Variants in WDFY1 observed in about 807,000 individuals in gnomAD.
WDFY1 encodes WD repeat and FYVE domain-containing protein 1.
WDFY1 carries 32 observed loss-of-function variants against 56.4 expected under a neutral mutation model. The ratio of observed to expected loss-of-function variants is 0.57; its 90% CI spans 0.43 to 0.76. WDFY1 has a LOEUF of 0.76. WDFY1 is among the 30% of genes least tolerant of loss of function. WDFY1 has a pLI of 0.00. For missense variants in WDFY1, 480 were observed against 545.7 expected (o/e 0.88, Z 1.20); for synonymous variants, 192 against 197.3 (o/e 0.97, Z 0.23).
chr2:223,880,252 C>A lies in WDFY1; in HGVS notation c.1065-20G>T. On this transcript the variant is annotated intron_variant, in intron 10 of 11. Coordinates refer to ENST00000233055, the MANE Select transcript of WDFY1 (RefSeq NM_020830.5). ...GTCCGACTAACAAGAGAAAAGAGAT[C>A]ACTGAAAATTTACTTGACTGTACCT... The A allele has an allele frequency of 6.2e-7, 1 of 1,610,834 alleles. No individual in the cohort carries two copies. The highest frequency in any genetic ancestry group is 8.5e-7 in the Non-Finnish European group (1 of 1,177,422).
At chr2:223,939,637 C>T (rs1689264464) in intron 1 of WDFY1, among the ~76,000 whole-genome samples, 1 of 152,152 alleles carries the variant, frequency 6.6e-6, no homozygotes, top group Admixed American at 6.5e-5. Flanking sequence ...GGGGTTTTCC[C>T]TTGTAAAACC....
intron 1 of WDFY1, among the ~76,000 whole-genome samples, chr2:223,935,065 A>G (rs975627656): frequency 2.0e-5 from 3 of 152,172 alleles, no homozygotes; most frequent in Non-Finnish European, 4.4e-5. Flanking sequence ...CGAAGCCTCT[A>G]TGGGACACTG....
intron 1 of WDFY1, among the ~76,000 whole-genome samples, chr2:223,918,456 G>A (rs1328377742): frequency 2.6e-5 from 4 of 151,886 alleles, no homozygotes; most frequent in East Asian, 1.9e-4. Context: ...ATGAAACCCC[G>A]TGTCTACTAA....
chr2:223,919,855 T>A (rs1349143447), intron 1 of WDFY1, among the ~76,000 whole-genome samples: 1 of 152,138 alleles, frequency 6.6e-6, no homozygotes, highest in Admixed American at 6.5e-5. Flanking sequence ...GGAGGCAGCG[T>A]CCTCCCTGAC....
At chr2:223,929,267 A>G (rs1342037337) in intron 1 of WDFY1, among the ~76,000 whole-genome samples, 1 of 145,880 alleles carries the variant, frequency 6.9e-6, no homozygotes, top group African/African-American at 2.6e-5. Context: ...TTCTCACTGC[A>G]ACCTCCGCCT....
rs187414456 is a variant in WDFY1 at position 223,937,243 on chromosome 2, A to T, written c.137+7905T>A. On this transcript the variant is annotated intron_variant, in intron 1 of 11. Coordinates refer to ENST00000233055, the MANE Select transcript of WDFY1 (RefSeq NM_020830.5). The stretch of plus-strand genomic sequence containing the variant: ...GTATTGTCCTATTCAAACAGGAAAA[A>T]TTTTTTTATTTTCACTTATTCACGT... Among the ~76,000 whole-genome samples the T allele has an allele frequency of 4.2e-3, 641 of 152,316 alleles. 2 individuals carry two copies. Among genetic ancestry groups the T allele is most frequent in the African/African-American group, 7.0e-3 (291 of 41,552 alleles).
chr2:223,939,982 C>G (rs1006983874), intron 1 of WDFY1, among the ~76,000 whole-genome samples: 1 of 152,212 alleles, frequency 6.6e-6, no homozygotes, highest in Admixed American at 6.5e-5. Flanking sequence ...TCAGCTAGTT[C>G]TCACTGCTTT....
intron 1 of WDFY1, among the ~76,000 whole-genome samples, chr2:223,929,642 TA>T (rs1240665910): frequency 6.6e-6 from 1 of 151,914 alleles, no homozygotes; most frequent in Non-Finnish European, 1.5e-5. Context: ...CCACCTTCTC[TA>T]AAAAAAATTT....
chr2:223,927,595 T>C (rs143400038), intron 1 of WDFY1, among the ~76,000 whole-genome samples: 299 of 152,368 alleles, frequency 2.0e-3, no homozygotes, highest in African/African-American at 6.6e-3. Context: ...TCTGATCTTC[T>C]ATTCAGATCA....
At chr2:223,879,248 T>C (rs982871998) in intron 11 of WDFY1, among the ~76,000 whole-genome samples, 2 of 152,172 alleles carry the variant, frequency 1.3e-5, no homozygotes, top group Admixed American at 6.5e-5. Context: ...ATAAAGCATA[T>C]AGGTAGTGTC....
At chr2:223,921,800 T>TAAAA in intron 1 of WDFY1, among the ~76,000 whole-genome samples, 1 of 152,286 alleles carries the variant, frequency 6.6e-6, no homozygotes, top group South Asian at 2.1e-4. Flanking sequence ...CTGTTTGTTT[T>TAAAA]TTAAGAATTA....
At chr2:223,934,183 A>G (rs1394150595) in intron 1 of WDFY1, among the ~76,000 whole-genome samples, 1 of 150,584 alleles carries the variant, frequency 6.6e-6, no homozygotes, top group African/African-American at 2.5e-5. Context: ...CCGCTTCCCA[A>G]GTTCAAGCAA....
chr2:223,894,051 G>A (rs955198967), intron 8 of WDFY1, among the ~76,000 whole-genome samples, 183 bp downstream of exon 8: 1 of 152,222 alleles, frequency 6.6e-6, no homozygotes, highest in East Asian at 1.9e-4. Context: ...ACTCTCAAAT[G>A]AGCAGAGGAA....
chr2:223,920,113 T>C (rs918859479), intron 1 of WDFY1, among the ~76,000 whole-genome samples: 1 of 152,180 alleles, frequency 6.6e-6, no homozygotes, highest in African/African-American at 2.4e-5. Context: ...TAAGCACAAA[T>C]TCAACACAAA....
chr2:223,929,182 GTTTTTTGTTT>G (rs1694035431), intron 1 of WDFY1, among the ~76,000 whole-genome samples: 1 of 100,636 alleles, frequency 9.9e-6, no homozygotes, highest in Non-Finnish European at 2.1e-5. Flanking sequence ...TTTTCTTTCT[GTTTTTTGTTT>G]TTTTTTTTTT....
intron 3 of WDFY1, among the ~76,000 whole-genome samples, chr2:223,906,902 C>T (rs540819627): frequency 2.1e-4 from 32 of 151,934 alleles, no homozygotes; most frequent in Non-Finnish European, 3.1e-4. Flanking sequence ...AAATCAACCT[C>T]AACTAAAGCT....
At position 223,881,661 on chromosome 2, in the gene WDFY1, G is replaced by A. The variant is rs147974676; in HGVS notation, c.1064+281C>T. On this transcript the variant is annotated intron_variant, in intron 10 of 11. Coordinates refer to ENST00000233055, the MANE Select transcript of WDFY1 (RefSeq NM_020830.5). Reference sequence around the variant, plus strand: ...AAAAATTAGCCAGGTGGTGGGGGGCGCCTGTAATCCCAGCTACTCGGGTGG... The same window carrying A: ...AAAAATTAGCCAGGTGGTGGGGGGCACCTGTAATCCCAGCTACTCGGGTGG... Among the ~76,000 whole-genome samples the A allele has an allele frequency of 9.0e-4, 137 of 152,178 alleles. 3 individuals are homozygous for A. The East Asian group carries it at 0.017, about 19-fold the overall frequency.
At chr2:223,879,964 T>A (rs746270364) in intron 11 of WDFY1, among the ~76,000 whole-genome samples, 160 bp downstream of exon 11, 1 of 152,152 alleles carries the variant, frequency 6.6e-6, no homozygotes, top group South Asian at 2.1e-4. Context: ...AATGAATGCA[T>A]GGAAACTCAG....
intron 8 of WDFY1, among the ~76,000 whole-genome samples, chr2:223,891,429 T>C (rs1478493607): frequency 3.7e-5 from 5 of 135,076 alleles, no homozygotes; most frequent in South Asian, 2.5e-4. Flanking sequence ...CAGAACCTTA[T>C]AGATTATAGC....
Sources: allele counts gnomAD v4.1 joint callset (sites outside exome capture counted in the v4.1 genomes callset), GRCh38; gene constraint gnomAD v4.1.1; transcripts MANE v1.5; gene names NCBI Gene and HGNC (gene_info 2026-07-23, HGNC 2026-07-21).